Variants in CTNNA3 observed in about 807,000 individuals in gnomAD.
The protein encoded by CTNNA3 is catenin alpha 3, also known as catenin alpha-3.
A neutral mutation model predicts 95.7 loss-of-function variants in CTNNA3; 76 were observed. That is an observed-to-expected ratio of 0.79 (90% CI 0.66 to 0.96). The LOEUF (loss-of-function observed/expected upper bound fraction) is 0.96. Among genes scored for constraint, CTNNA3 ranks in the 40% least tolerant of loss-of-function variants. CTNNA3 has a pLI of 0.00. For missense variants in CTNNA3, 1,191 were observed against 1,089.8 expected, an observed-to-expected ratio of 1.09 and a Z score of -1.31; for synonymous variants, 431 against 374.4, an observed-to-expected ratio of 1.15 and a Z score of -1.74.
intron 17 of CTNNA3, among the ~76,000 whole-genome samples, chr10:65,954,026 T>C (rs1342876901): frequency 6.6e-6 from 1 of 152,220 alleles, no homozygotes; most frequent in Non-Finnish European, 1.5e-5. Context: ...TTCCTATTTC[T>C]CCACATCCTC....
In CTNNA3 at chr10:65,965,392, A is replaced by ATTTT. The variant is rs2077936820; in HGVS notation, c.2400+1219_2400+1220insAAAA. On this transcript the variant is annotated intron_variant, in intron 17 of 17. Transcript: ENST00000433211. Reference sequence around the variant, plus strand: ...AGTCACTATTTGTTTCCTCCCCTCTACTTTTTTTTTTTTTTTTTTTTTTTT... The same window carrying ATTTT: ...AGTCACTATTTGTTTCCTCCCCTCTATTTTCTTTTTTTTTTTTTTTTTTTTTTTT... Among the ~76,000 whole-genome samples, 3 of 77,976 alleles carry ATTTT rather than the reference A, an allele frequency of 3.8e-5. 1 individual carries two copies. The highest frequency in any genetic ancestry group is 1.7e-4 in the African/African-American group (3 of 17,598). 51.2% of individuals were successfully genotyped at this position (77,976 alleles called of 152,430 possible). A position where few individuals can be genotyped will look rare whatever the true frequency, so the allele number is the denominator to read the frequency against.
At chr10:66,201,392 C>G (rs963272166) in intron 13 of CTNNA3, among the ~76,000 whole-genome samples, 2 of 152,148 alleles carry the variant, frequency 1.3e-5, no homozygotes, top group Non-Finnish European at 2.9e-5. Flanking sequence ...AGAAGAACTG[C>G]CCTGCTGTAA....
At chr10:67,233,805 T>C (rs565943353) in intron 5 of CTNNA3, among the ~76,000 whole-genome samples, 1 of 151,326 alleles carries the variant, frequency 6.6e-6, no homozygotes, top group Non-Finnish European at 1.5e-5. Flanking sequence ...ATCAAATAGA[T>C]GCAATAAAAA....
chr10:66,041,636 C>A (rs1180441271), intron 15 of CTNNA3, among the ~76,000 whole-genome samples: 2 of 152,166 alleles, frequency 1.3e-5, no homozygotes, highest in Middle Eastern at 3.2e-3. Flanking sequence ...TCGATGTTGA[C>A]AATACCTTGC....
At chr10:66,795,147 C>G (rs1170365846) in intron 7 of CTNNA3, among the ~76,000 whole-genome samples, 1 of 152,136 alleles carries the variant, frequency 6.6e-6, no homozygotes, top group Non-Finnish European at 1.5e-5. Context: ...TTCTTAATGG[C>G]ATCTAAAATA....
chr10:67,078,152 A>G (rs564894772), intron 7 of CTNNA3, among the ~76,000 whole-genome samples: 1 of 152,308 alleles, frequency 6.6e-6, no homozygotes, highest in Admixed American at 6.5e-5. Flanking sequence ...AGGTATTCTG[A>G]AAGTCTCCAA....
chr10:67,215,185 T>G (rs1864302850), intron 6 of CTNNA3, among the ~76,000 whole-genome samples: 1 of 152,130 alleles, frequency 6.6e-6, no homozygotes, highest in Non-Finnish European at 1.5e-5. Context: ...TCACCTGTTT[T>G]GCCTAACCAT....
intron 7 of CTNNA3, among the ~76,000 whole-genome samples, chr10:66,968,700 C>A (rs1046927468): frequency 6.6e-6 from 1 of 152,014 alleles, no homozygotes; most frequent in Non-Finnish European, 1.5e-5. Flanking sequence ...CTTAAAGTTA[C>A]ATTTTTAATA....
chr10:66,697,206 T>C (rs1323446232), intron 9 of CTNNA3, among the ~76,000 whole-genome samples: 1 of 150,088 alleles, frequency 6.7e-6, no homozygotes, highest in Non-Finnish European at 1.5e-5. Flanking sequence ...GAAATATATA[T>C]GTATATATAC....
chr10:66,006,956 GTC>G (rs1351771192), intron 15 of CTNNA3, among the ~76,000 whole-genome samples: 1 of 152,174 alleles, frequency 6.6e-6, no homozygotes, highest in East Asian at 1.9e-4. Flanking sequence ...CTTGCCACCA[GTC>G]TCAGGCCTTG....
intron 16 of CTNNA3, among the ~76,000 whole-genome samples, chr10:65,983,945 A>C (rs1043197789): frequency 1.3e-5 from 2 of 151,418 alleles, no homozygotes; most frequent in African/African-American, 4.8e-5. Context: ...TAATTGTTTC[A>C]TTCTTTCTAC....
intron 7 of CTNNA3, among the ~76,000 whole-genome samples, chr10:66,851,992 G>T (rs1589333305): frequency 6.6e-6 from 1 of 152,122 alleles, no homozygotes; most frequent in Non-Finnish European, 1.5e-5. Flanking sequence ...ATGGGATGAA[G>T]TATGGCTTGA....
chr10:66,131,227 G>A (rs1174771184), intron 13 of CTNNA3, among the ~76,000 whole-genome samples: 1 of 152,090 alleles, frequency 6.6e-6, no homozygotes, highest in Admixed American at 6.6e-5. Context: ...TATGAGGCCA[G>A]CATCATCCTG....
At chr10:67,477,222 C>T (rs1429820964) in intron 5 of CTNNA3, among the ~76,000 whole-genome samples, 1 of 152,074 alleles carries the variant, frequency 6.6e-6, no homozygotes, top group Non-Finnish European at 1.5e-5. Flanking sequence ...AGGTTTCCAT[C>T]TCAACACCTA....
intron 9 of CTNNA3, among the ~76,000 whole-genome samples, chr10:66,699,975 T>A (rs1297128330): frequency 2.6e-5 from 4 of 152,166 alleles, no homozygotes; most frequent in Admixed American, 6.6e-5. Context: ...TCATTTTTTT[T>A]AAATCAAGTT....
chr10:67,636,842 T>G (rs1839332002), intron 2 of CTNNA3, among the ~76,000 whole-genome samples: 1 of 152,044 alleles, frequency 6.6e-6, no homozygotes, highest in African/African-American at 2.4e-5. Flanking sequence ...GGAAAGGACA[T>G]CCACACCAAA....
At chr10:66,279,445 C>A (rs1278403211) in intron 13 of CTNNA3, among the ~76,000 whole-genome samples, 1 of 152,066 alleles carries the variant, frequency 6.6e-6, no homozygotes, top group African/African-American at 2.4e-5. Flanking sequence ...CTGAGAATTA[C>A]TTTCTTTGGC....
At chr10:66,910,902 G>C (rs1846194887) in intron 7 of CTNNA3, among the ~76,000 whole-genome samples, 2 of 152,202 alleles carry the variant, frequency 1.3e-5, no homozygotes, top group African/African-American at 4.8e-5. Context: ...ATTTAAAGAA[G>C]ACAGCAACGT....
chr10:66,739,704 C>T (rs1849263614), intron 9 of CTNNA3, among the ~76,000 whole-genome samples: 1 of 152,070 alleles, frequency 6.6e-6, no homozygotes, highest in Admixed American at 6.6e-5. Context: ...TTGTAACGTA[C>T]TGGCCATTAT....
Sources: gnomAD v4.1 joint callset for allele counts (sites outside exome capture counted in the v4.1 genomes callset) on GRCh38, gnomAD v4.1.1 for gene constraint, MANE v1.5 for transcripts, NCBI Gene and HGNC (gene_info 2026-07-23, HGNC 2026-07-21) for gene names.